The following SORCS3 variants were observed in gnomAD, a reference collection of about 807,000 sequenced individuals.
SORCS3 encodes the protein VPS10 domain-containing receptor SorCS3.
A neutral mutation model predicts 146.3 loss-of-function variants in SORCS3; 57 were observed. The ratio of observed to expected loss-of-function variants is 0.39; its 90% CI spans 0.31 to 0.49. SORCS3 has a LOEUF of 0.49. SORCS3 is among the 20% of genes least tolerant of loss of function. The pLI, the probability that SORCS3 is intolerant of heterozygous loss-of-function variation, is 0.92. For missense variants in SORCS3, 1,341 were observed against 1,575.5 expected, an observed-to-expected ratio of 0.85 and a Z score of 2.52; for synonymous variants, 653 against 618.5, an observed-to-expected ratio of 1.06 and a Z score of -0.83.
At chr10:105,185,305 G>A (rs2056468365) in intron 14 of SORCS3, among the ~76,000 whole-genome samples, 1 of 152,106 alleles carries the variant, frequency 6.6e-6, no homozygotes, top group Non-Finnish European at 1.5e-5. Context: ...TGCTTGGTGT[G>A]TACTTTTTCC....
In SORCS3 at chr10:104,926,957, T is replaced by A. The variant is rs144878062; in HGVS notation, c.795+11025T>A. ...TGCATCGAGTATATCGTAATTTTTTTAAAAATAAAGATAATAATGATTTGC... is the reference window on the plus strand; with the variant it reads ...TGCATCGAGTATATCGTAATTTTTTAAAAAATAAAGATAATAATGATTTGC... On this transcript the variant is annotated intron_variant, in intron 3 of 26. Transcript: ENST00000369701. Among the ~76,000 whole-genome samples the A allele has an allele frequency of 2.2e-3, 337 of 152,328 alleles. 5 individuals carry two copies. The highest frequency in any genetic ancestry group is 0.019 in the South Asian group (94 of 4,822).
At chr10:105,008,987 C>T (rs924054650) in intron 4 of SORCS3, among the ~76,000 whole-genome samples, 2 of 152,132 alleles carry the variant, frequency 1.3e-5, no homozygotes, top group African/African-American at 2.4e-5. Flanking sequence ...TTCTCTTTCC[C>T]CCTTTAGCCT....
intron 1 of SORCS3, among the ~76,000 whole-genome samples, chr10:104,695,669 A>G (rs1449057442): frequency 1.3e-5 from 2 of 151,922 alleles, no homozygotes. Context: ...ATGGGTATGT[A>G]CATATTATCT....
intron 2 of SORCS3, among the ~76,000 whole-genome samples, chr10:104,913,834 G>T (rs953349032): frequency 3.5e-5 from 5 of 144,250 alleles, no homozygotes; most frequent in African/African-American, 1.1e-4. Context: ...ACAGTGGTGC[G>T]ATCTCAGCTC....
At chr10:104,822,719 G>A (rs953858964) in intron 1 of SORCS3, among the ~76,000 whole-genome samples, 3 of 152,136 alleles carry the variant, frequency 2.0e-5, no homozygotes, top group African/African-American at 4.8e-5. Context: ...TACGCTCTAA[G>A]TTTTTCTACC....
intron 1 of SORCS3, among the ~76,000 whole-genome samples, chr10:104,741,134 A>ATTTTT (rs34447542): frequency 1.9e-5 from 2 of 104,900 alleles, no homozygotes; most frequent in Non-Finnish European, 1.8e-5. Context: ...GATAATTTAA[A>ATTTTT]TTTTTTTTTT....
chr10:105,135,998 G>GT (rs537063896), intron 7 of SORCS3, among the ~76,000 whole-genome samples: 30 of 151,914 alleles, frequency 2.0e-4, no homozygotes, highest in Non-Finnish European at 3.1e-4. Context: ...GCAATATAGG[G>GT]TTTTTTTTCT....
chr10:104,800,883 C>T (rs2017617013), intron 1 of SORCS3, among the ~76,000 whole-genome samples: 1 of 152,196 alleles, frequency 6.6e-6, no homozygotes. Flanking sequence ...CCCACCTTCT[C>T]CATTTCTGGT....
chr10:105,139,542 G>A, intron 8 of SORCS3, 56 bp downstream of exon 8: 1 of 1,387,992 alleles, frequency 7.2e-7, no homozygotes, highest in Non-Finnish European at 1.0e-6. Flanking sequence ...GAGGGTTGGA[G>A]AGGCTGCTTT....
chr10:105,238,750 G>A (rs2056807267), intron 20 of SORCS3, among the ~76,000 whole-genome samples: 1 of 152,178 alleles, frequency 6.6e-6, no homozygotes, highest in East Asian at 1.9e-4. Context: ...AGAGTTTTTA[G>A]ATGTATTTAA....
chr10:104,663,553 C>A (rs1410567675), intron 1 of SORCS3, among the ~76,000 whole-genome samples: 1 of 152,202 alleles, frequency 6.6e-6, no homozygotes, highest in Non-Finnish European at 1.5e-5. Context: ...TATGTGGTGG[C>A]TCCCTCGCTC....
rs569585724 is a variant in SORCS3 at position 105,110,079 on chromosome 10, T to C, written c.1212+4564T>C. Among the ~76,000 whole-genome samples the C allele has an allele frequency of 7.9e-5, 12 of 152,218 alleles. No individual in the cohort carries two copies. The East Asian group carries it at 2.3e-3, about 29-fold the overall frequency. On this transcript the variant is annotated intron_variant, in intron 7 of 26. Transcript: ENST00000369701. ...AATTTCTCCCATCCCAACCCTTTTTTACTCCCTGAGCAAACTGAGGAAAAT... is the reference window on the plus strand; with the variant it reads ...AATTTCTCCCATCCCAACCCTTTTTCACTCCCTGAGCAAACTGAGGAAAAT...
chr10:104,803,202 G>C (rs1194048025), intron 1 of SORCS3, among the ~76,000 whole-genome samples: 1 of 152,224 alleles, frequency 6.6e-6, no homozygotes, highest in African/African-American at 2.4e-5. Context: ...TAGACTCATG[G>C]TCACTTCTAG....
intron 1 of SORCS3, among the ~76,000 whole-genome samples, chr10:104,729,660 G>A (rs976884302): frequency 2.0e-5 from 3 of 152,176 alleles, no homozygotes; most frequent in Non-Finnish European, 4.4e-5. Flanking sequence ...GGGAGGTTTG[G>A]CGTATCCATA....
At chr10:105,167,672 G>T (rs2056325703) in intron 13 of SORCS3, among the ~76,000 whole-genome samples, 1 of 152,040 alleles carries the variant, frequency 6.6e-6, no homozygotes, top group South Asian at 2.1e-4. Flanking sequence ...GGAAGAGGAG[G>T]GTTAGGTACA....
chr10:105,226,107 G>A (rs1428030596), intron 20 of SORCS3, among the ~76,000 whole-genome samples: 1 of 151,830 alleles, frequency 6.6e-6, no homozygotes, highest in African/African-American at 2.4e-5. Flanking sequence ...AATAGGAGTG[G>A]TGAAAATGGG....
At chr10:105,007,759 C>G (rs1176120563) in intron 4 of SORCS3, among the ~76,000 whole-genome samples, 1 of 152,026 alleles carries the variant, frequency 6.6e-6, no homozygotes, top group Admixed American at 6.5e-5. Flanking sequence ...GGAGTGCTTA[C>G]TAGGTACCAA....
intron 2 of SORCS3, among the ~76,000 whole-genome samples, chr10:104,897,120 C>A (rs2018806012): frequency 6.6e-6 from 1 of 152,120 alleles, no homozygotes; most frequent in African/African-American, 2.4e-5. Context: ...AAACTCATCC[C>A]TGAGAATGTC....
chr10:104,927,211 C>T (rs12359021), intron 3 of SORCS3, among the ~76,000 whole-genome samples: 13,010 of 152,190 alleles, frequency 0.085, 716 homozygotes, highest in South Asian at 0.24. Flanking sequence ...GTTTCTCTTC[C>T]GTGTGAACTC....
Sources: allele counts gnomAD v4.1 joint callset (sites outside exome capture counted in the v4.1 genomes callset), GRCh38; gene constraint gnomAD v4.1.1; transcripts MANE v1.5; gene names NCBI Gene and HGNC (gene_info 2026-07-23, HGNC 2026-07-21).